EVI5: variants seen among roughly 807,000 people sequenced by gnomAD.
EVI5 encodes ecotropic viral integration site 5 protein homolog.
Under a neutral mutation model 112.0 loss-of-function variants are expected in EVI5, and 73 were observed. The observed-to-expected ratio is 0.65, with a 90% confidence interval of 0.54 to 0.79. EVI5 has a LOEUF of 0.79. Ranked by LOEUF, EVI5 falls within the 30% of genes least tolerant of loss-of-function variation. The pLI, the probability that EVI5 is intolerant of heterozygous loss-of-function variation, is 0.00. For missense variants in EVI5, 900 were observed against 968.8 expected (o/e 0.93, Z 0.94); for synonymous variants, 305 against 319.9 (o/e 0.95, Z 0.50).
At chr1:92,545,038 G>C (rs1665449080) in intron 19 of EVI5, among the ~76,000 whole-genome samples, 1 of 152,092 alleles carries the variant, frequency 6.6e-6, no homozygotes, top group Admixed American at 6.6e-5. Flanking sequence ...GTAAGATATG[G>C]TTCATAAGAA....
chr1:92,588,301 T>C (rs1156392281), intron 18 of EVI5, among the ~76,000 whole-genome samples: 1 of 152,228 alleles, frequency 6.6e-6, no homozygotes, highest in Non-Finnish European at 1.5e-5. Flanking sequence ...TTTTAGGTCC[T>C]ACATAATTGG....
chr1:92,627,706 G>T (rs1041447922), intron 14 of EVI5, among the ~76,000 whole-genome samples: 3 of 151,920 alleles, frequency 2.0e-5, no homozygotes, highest in African/African-American at 4.8e-5. Context: ...TTGATTTTTT[G>T]ATTATGGCTA....
chr1:92,549,742 G>GA (rs927789310), intron 19 of EVI5, among the ~76,000 whole-genome samples: 2 of 152,128 alleles, frequency 1.3e-5, no homozygotes, highest in African/African-American at 4.8e-5. Flanking sequence ...ACAGACACAT[G>GA]AAAAAATGCT....
At chr1:92,544,574 G>A (rs187575920) in intron 19 of EVI5, among the ~76,000 whole-genome samples, 1 of 152,152 alleles carries the variant, frequency 6.6e-6, no homozygotes, top group African/African-American at 2.4e-5. Context: ...AAATGAAGTT[G>A]TAGGAAAATA....
Position 92,637,873 on chromosome 1 carries a change from T to C in EVI5, c.1393-1537A>G, listed in dbSNP as rs548057093. Among the ~76,000 whole-genome samples, 3 of 152,318 alleles carry C rather than the reference T, an allele frequency of 2.0e-5. No homozygotes were observed. In the South Asian group the frequency reaches 6.2e-4, roughly 32 times the overall value. ...AAATGAGGACTTTAATTCAATGCAT[T>C]ATACATTATTTCTTCTAGTAATTTT... On this transcript the variant is annotated intron_variant, in intron 13 of 19. Coordinates refer to ENST00000684568, the MANE Select transcript of EVI5 (RefSeq NM_001350197.2).
intron 2 of EVI5, among the ~76,000 whole-genome samples, chr1:92,718,546 T>C (rs1335483002): frequency 1.3e-5 from 2 of 152,186 alleles, no homozygotes; most frequent in Non-Finnish European, 2.9e-5. Context: ...TAAAGCAGTG[T>C]GTAGAGGGAA....
intron 1 of EVI5, among the ~76,000 whole-genome samples, chr1:92,764,231 A>G (rs1682293658): frequency 6.6e-6 from 1 of 152,206 alleles, no homozygotes; most frequent in Non-Finnish European, 1.5e-5. Context: ...CTTAAGCTAC[A>G]TACAAAGTTA....
intron 18 of EVI5, among the ~76,000 whole-genome samples, chr1:92,571,422 A>T (rs1212306713): frequency 6.6e-6 from 1 of 151,986 alleles, no homozygotes; most frequent in Non-Finnish European, 1.5e-5. Flanking sequence ...TGACATTCCA[A>T]AAACAGAAGT....
At chr1:92,786,252 AAAC>A (rs1472115535), upstream of EVI5, among the ~76,000 whole-genome samples, 1 of 151,316 alleles carries the variant, frequency 6.6e-6, no homozygotes, top group African/African-American at 2.4e-5. Flanking sequence ...AAAAAAAAAA[AAAC>A]CTTACTTTTT....
chr1:92,736,978 TG>T (rs1374283583), intron 1 of EVI5, among the ~76,000 whole-genome samples: 1 of 152,186 alleles, frequency 6.6e-6, no homozygotes, highest in African/African-American at 2.4e-5. Context: ...CATGTATGTA[TG>T]TATATGGGTG....
intron 9 of EVI5, among the ~76,000 whole-genome samples, chr1:92,692,279 G>A (rs1341641452): frequency 6.6e-6 from 1 of 152,164 alleles, no homozygotes; most frequent in Non-Finnish European, 1.5e-5. Flanking sequence ...TACCAAGAAG[G>A]TTAAGGAACC....
chr1:92,682,324 C>G lies in EVI5; in HGVS notation c.1098-5106G>C, dbSNP rs147854355. On this transcript the variant is annotated intron_variant, in intron 9 of 19. Transcript: ENST00000684568. Reference sequence around the variant, plus strand: ...AAAAGAGTGCTCATCTCTCCATGTCCTTTATCTGGCTTTGTTTTCTTCATG... The same window carrying G: ...AAAAGAGTGCTCATCTCTCCATGTCGTTTATCTGGCTTTGTTTTCTTCATG... Among the ~76,000 whole-genome samples, 24 of 152,292 alleles carry G rather than the reference C, an allele frequency of 1.6e-4. No individual in the cohort carries two copies. In the East Asian group the frequency reaches 4.6e-3, roughly 29 times the overall value.
chr1:92,551,040 C>CTTTTTTTTTTTTTTTTTTTTTTTTTTTT (rs55898086), intron 19 of EVI5, among the ~76,000 whole-genome samples: 15 of 80,702 alleles, frequency 1.9e-4, no homozygotes, highest in African/African-American at 3.1e-4. Flanking sequence ...TTCTTTCTTT[C>CTTTTTTTTTTTTTTTTTTTTTTTTTTTT]TTTTTTTTTT....
chr1:92,552,553 T>C (rs1667105017), intron 19 of EVI5, among the ~76,000 whole-genome samples: 1 of 152,214 alleles, frequency 6.6e-6, no homozygotes, highest in South Asian at 2.1e-4. Context: ...TAATGCAGCT[T>C]AATATCCAAG....
At chr1:92,552,270 T>C (rs146999140) in intron 19 of EVI5, among the ~76,000 whole-genome samples, 3 of 152,222 alleles carry the variant, frequency 2.0e-5, no homozygotes, top group East Asian at 3.9e-4. Flanking sequence ...CTAAGAAATA[T>C]AAGGCTGAAT....
intron 1 of EVI5, among the ~76,000 whole-genome samples, chr1:92,769,522 C>T (rs7543327): frequency 0.9 from 136,934 of 152,134 alleles, 61,747 homozygotes; most frequent in East Asian, 0.97. Flanking sequence ...CTCCACATCC[C>T]AATACCTGGA....
intron 1 of EVI5, among the ~76,000 whole-genome samples, chr1:92,765,173 T>A (rs2103010397): frequency 6.6e-6 from 1 of 151,568 alleles, no homozygotes; most frequent in Admixed American, 6.6e-5. Flanking sequence ...TCCTTATATA[T>A]ATCTTCAATT....
chr1:92,641,888 C>T (rs1020892902), intron 13 of EVI5, among the ~76,000 whole-genome samples: 1 of 152,068 alleles, frequency 6.6e-6, no homozygotes, highest in African/African-American at 2.4e-5. Context: ...GCCTGTAATC[C>T]CAGCACTTTA....
At chr1:92,521,623 G>A (rs754518949) in intron 19 of EVI5, among the ~76,000 whole-genome samples, 7 of 151,978 alleles carry the variant, frequency 4.6e-5, no homozygotes, top group Non-Finnish European at 8.8e-5. Context: ...CCCAGAAGGC[G>A]GAGGTTGCCA....
Sources: gnomAD v4.1 joint callset for allele counts (sites outside exome capture counted in the v4.1 genomes callset) on GRCh38, gnomAD v4.1.1 for gene constraint, MANE v1.5 for transcripts, NCBI Gene and HGNC (gene_info 2026-07-23, HGNC 2026-07-21) for gene names.